Variants in CDIN1 observed in about 807,000 individuals in gnomAD.
CDIN1 encodes the protein CDAN1 interacting nuclease 1.
CDIN1 carries 33 observed loss-of-function variants against 45.3 expected under a neutral mutation model. The observed-to-expected ratio is 0.73, with a 90% CI of 0.55 to 0.97. CDIN1 has a LOEUF of 0.97. Among genes scored for constraint, CDIN1 ranks in the 50% least tolerant of loss-of-function variants. The probability of loss-of-function intolerance (pLI) is 0.00; values close to 1 mark genes in which losing one functional copy is unlikely to be tolerated. For synonymous variants in CDIN1, 118 were observed against 124.4 expected (o/e 0.95, Z 0.34); for missense variants, 303 against 339.4 (o/e 0.89, Z 0.84).
intron 10 of CDIN1, chr15:36,756,160 G>A (rs370020862): frequency 7.9e-5 from 36 of 455,806 alleles, no homozygotes; most frequent in East Asian, 4.2e-4. Context: ...AAGGGAGTGG[G>A]GAATCCTTAG....
chr15:36,664,627 A>C (rs1257411313), intron 5 of CDIN1, among the ~76,000 whole-genome samples: 1 of 152,150 alleles, frequency 6.6e-6, no homozygotes, highest in East Asian at 2.0e-4. Context: ...GCTCACTGCA[A>C]GCTCTGCCTC....
chr15:36,792,609 G>C (rs982368402), intron 10 of CDIN1, among the ~76,000 whole-genome samples: 4 of 151,938 alleles, frequency 2.6e-5, no homozygotes, highest in East Asian at 1.9e-4. Flanking sequence ...GTGGGGCTGG[G>C]GGGGAGGGTG....
rs534036321 is a variant in CDIN1 at position 36,642,887 on chromosome 15, T to C, written c.102-1391T>C. ...GGGGTCTATTTATGGCACATAAATA[T>C]CTAACATTAATTTATTAAGGGTTTA... On this transcript the variant is annotated intron_variant, in intron 1 of 10. Coordinates refer to ENST00000566621, the MANE Select transcript of CDIN1 (RefSeq NM_001321759.2). Among the ~76,000 whole-genome samples the C allele has an allele frequency of 1.6e-4, 24 of 152,302 alleles. No homozygotes were observed. In the South Asian group the frequency reaches 4.8e-3, roughly 30 times the overall value.
At chr15:36,757,908 AAG>A (rs760908120) in intron 10 of CDIN1, among the ~76,000 whole-genome samples, 2 of 152,106 alleles carry the variant, frequency 1.3e-5, no homozygotes, top group Admixed American at 6.6e-5. Context: ...AGTTTTGAGA[AAG>A]AGAGAGAGAC....
At chr15:36,788,104 ATATTTTTTTTT>A (rs2054549469) in intron 10 of CDIN1, among the ~76,000 whole-genome samples, 1 of 34,482 alleles carries the variant, frequency 2.9e-5, no homozygotes, top group African/African-American at 1.1e-4. Context: ...ATATATATAT[ATATTTTTTTTT>A]TTTTTTTTTT....
intron 10 of CDIN1, among the ~76,000 whole-genome samples, chr15:36,731,512 A>T (rs773045603): frequency 2.0e-5 from 3 of 152,146 alleles, no homozygotes; most frequent in Non-Finnish European, 2.9e-5. Context: ...AGCCAGTCTT[A>T]TATATGCTAA....
At chr15:36,621,450 A>G (rs1253681483) in intron 1 of CDIN1, among the ~76,000 whole-genome samples, 1 of 152,206 alleles carries the variant, frequency 6.6e-6, no homozygotes, top group East Asian at 1.9e-4. Flanking sequence ...TTGTTTTATG[A>G]CATGGTATAC....
At chr15:36,620,264 T>C (rs2039115483) in intron 1 of CDIN1, among the ~76,000 whole-genome samples, 1 of 151,848 alleles carries the variant, frequency 6.6e-6, no homozygotes, top group Non-Finnish European at 1.5e-5. Flanking sequence ...GGCAGGAGAA[T>C]GGCGTGACAC....
At chr15:36,602,226 A>G (rs1385742100) in intron 1 of CDIN1, among the ~76,000 whole-genome samples, 1 of 152,216 alleles carries the variant, frequency 6.6e-6, no homozygotes, top group South Asian at 2.1e-4. Context: ...CTTGTCTTCT[A>G]CTTAACTCTT....
At chr15:36,760,596 T>C (rs2053733810) in intron 10 of CDIN1, among the ~76,000 whole-genome samples, 1 of 152,206 alleles carries the variant, frequency 6.6e-6, no homozygotes, top group South Asian at 2.1e-4. Flanking sequence ...TGCATTTGTC[T>C]CTTCCACAGA....
chr15:36,640,728 A>G (rs1311930705), intron 1 of CDIN1: 5 of 768,260 alleles, frequency 6.5e-6, no homozygotes, highest in Non-Finnish European at 7.9e-6. Context: ...TTGCATTGCA[A>G]TTAAGTCTGT....
intron 10 of CDIN1, among the ~76,000 whole-genome samples, chr15:36,760,940 C>A (rs1387855645): frequency 6.6e-6 from 1 of 152,164 alleles, no homozygotes; most frequent in Non-Finnish European, 1.5e-5. Context: ...TTTCTCAGCA[C>A]CCTGGCCCAA....
chr15:36,644,986 T>C (rs2040252137), intron 2 of CDIN1, among the ~76,000 whole-genome samples: 1 of 152,160 alleles, frequency 6.6e-6, no homozygotes, highest in Non-Finnish European at 1.5e-5. Context: ...GGCTTTTACA[T>C]ATATACCGTA....
At chr15:36,711,479 A>G (rs550690080) in intron 10 of CDIN1, among the ~76,000 whole-genome samples, 1 of 152,342 alleles carries the variant, frequency 6.6e-6, no homozygotes, top group Non-Finnish European at 1.5e-5. Flanking sequence ...TAAATAATCT[A>G]GTCACCTAGA....
At chr15:36,689,908 G>A (rs2042182268) in intron 5 of CDIN1, among the ~76,000 whole-genome samples, 1 of 152,128 alleles carries the variant, frequency 6.6e-6, no homozygotes, top group East Asian at 1.9e-4. Flanking sequence ...GACCACACAA[G>A]AACACTTTAT....
chr15:36,771,730 C>A (rs145849757), intron 10 of CDIN1, among the ~76,000 whole-genome samples: 225 of 152,254 alleles, frequency 1.5e-3, no homozygotes, highest in African/African-American at 5.2e-3. Flanking sequence ...GAGTTCGAGA[C>A]CAGCCTGGCC....
intron 1 of CDIN1, among the ~76,000 whole-genome samples, chr15:36,603,352 C>T (rs2038205603): frequency 6.6e-6 from 1 of 152,178 alleles, no homozygotes; most frequent in Non-Finnish European, 1.5e-5. Flanking sequence ...GTTAGATAAT[C>T]TAACTAGGCA....
In CDIN1 at chr15:36,761,951, G is replaced by T. The variant is rs1193496113; in HGVS notation, c.717-46373G>T. 2.6e-5 allele frequency among the ~76,000 whole-genome samples: 4 copies of T among 152,192 alleles called. No individual in the cohort carries two copies. In the East Asian group the frequency reaches 7.7e-4, roughly 29 times the overall value. On this transcript the variant is annotated intron_variant, in intron 10 of 10. Coordinates refer to ENST00000566621, the MANE Select transcript of CDIN1 (RefSeq NM_001321759.2). ...GTCTAATAGCAGCTGTGACTGTGGA[G>T]TTCCTTGTATACTGAAATGGGGTTA...
chr15:36,786,816 G>A, intron 10 of CDIN1, among the ~76,000 whole-genome samples: 1 of 152,092 alleles, frequency 6.6e-6, no homozygotes, highest in Non-Finnish European at 1.5e-5. Context: ...GTCAGACCCT[G>A]CAGAGATGTC....
Sources: gnomAD v4.1 joint callset for allele counts (sites outside exome capture counted in the v4.1 genomes callset) on GRCh38, gnomAD v4.1.1 for gene constraint, MANE v1.5 for transcripts, NCBI Gene and HGNC (gene_info 2026-07-23, HGNC 2026-07-21) for gene names.